Variants in CIT observed in about 807,000 individuals in gnomAD.
The protein encoded by CIT is citron Rho-interacting kinase.
Under a neutral mutation model 272.7 loss-of-function variants are expected in CIT, and 79 were observed. That is an observed-to-expected ratio of 0.29 (90% CI 0.24 to 0.35). The LOEUF is 0.35. CIT is among the 10% of genes least tolerant of loss of function. CIT has a pLI of 1.00. For synonymous variants in CIT, 948 were observed against 995.6 expected (o/e 0.95, Z 0.90); for missense variants, 1,909 against 2,618.3 (o/e 0.73, Z 5.91).
At chr12:119,734,397 C>G in intron 25 of CIT, 40 bp from the exon 26 acceptor site, 1 of 1,594,870 alleles carries the variant, frequency 6.3e-7, no homozygotes, top group Non-Finnish European at 8.6e-7. Flanking sequence ...TGTCTTTAAA[C>G]AAGGATTTCC....
At position 119,686,163 on chromosome 12, in the gene CIT, T is replaced by C. The variant is rs991595040; in HGVS notation, c.*2069A>G. ...TTTTTTTTACGAATATAAAGTTTCT[T>C]GTAAATATGTACAGTCTTTTGAGCT... On this transcript the variant is annotated 3_prime_UTR_variant, in exon 48 of 48. Coordinates refer to ENST00000392521, the MANE Select transcript of CIT (RefSeq NM_001206999.2). 3.3e-5 allele frequency: 5 copies of C among 152,442 alleles called. No individual in the cohort carries two copies. Among genetic ancestry groups the C allele is most frequent in the African/African-American group, 1.2e-4 (5 of 41,442 alleles). 9.4% of individuals were successfully genotyped at this position (152,442 alleles called of 1,614,324 possible).
chr12:119,875,017 AC>A (rs1415240389), intron 2 of CIT, among the ~76,000 whole-genome samples: 1 of 152,216 alleles, frequency 6.6e-6, no homozygotes, highest in Non-Finnish European at 1.5e-5. Flanking sequence ...AAAAGGACAA[AC>A]TTGCCCTGGT....
chr12:119,708,142 G>A, intron 40 of CIT, 37 bp downstream of exon 40: 1 of 1,468,966 alleles, frequency 6.8e-7, no homozygotes, highest in South Asian at 1.4e-5. Context: ...TCAATTTCCA[G>A]AACATTCCAC....
chr12:119,784,021 T>G lies in CIT; in HGVS notation c.1432A>C (p.Arg478=), dbSNP rs750909183. 9.9e-6 allele frequency: 16 copies of G among 1,612,686 alleles called. No homozygotes were observed. Among genetic ancestry groups the G allele is most frequent in the Non-Finnish European group, 9.3e-6 (11 of 1,179,310 alleles). The part of the protein sequence containing the change: ...MEQEMTRLHR[R]VSEVEAVLSQ... ...AGCACAGCCTCCACCTCTGACACTC[T>G]CCGATGTAACCGGGTCATTTCCTGC... Residue 478 remains arginine (R), a synonymous_variant, in exon 12 of 48, where the codon AGA becomes CGA. Transcript: ENST00000392521. The surrounding 1 kb of genome is among the most constrained non-coding windows in gnomAD (Gnocchi z 4.7).
At chr12:119,717,954 C>G (rs1565934521) in intron 32 of CIT, among the ~76,000 whole-genome samples, 1 of 150,366 alleles carries the variant, frequency 6.7e-6, no homozygotes, top group Admixed American at 6.7e-5. Flanking sequence ...AATTCTCCTG[C>G]CTCAGCCTCC....
At position 119,803,313 on chromosome 12, in the gene CIT, C is replaced by G; in HGVS notation, c.1188G>C (p.Trp396Cys). The G allele has an allele frequency of 6.2e-7, 1 of 1,608,840 alleles. No homozygotes were observed. The highest frequency in any genetic ancestry group is 8.5e-7 in the Non-Finnish European group (1 of 1,177,570). The stretch of plus-strand genomic sequence containing the variant: ...TCAGCTGGCACGGAGAGGATGAAAC[C>G]CACGAATTCTTCTCTGGTTCATCAA... Reference protein sequence around the residue: ...SNFDEPEKNSWVSSSPCQLSP... With the variant: ...SNFDEPEKNSCVSSSPCQLSP... Residue 396 changes from tryptophan (W) to cysteine (C), a missense_variant, in exon 10 of 48, where the codon TGG becomes TGC. Trp to Cys is a radical substitution (Grantham distance 215). This residue lies in a region of CIT where 529 missense variants were observed against 549.6 expected (regional missense o/e 0.96). Coordinates refer to ENST00000392521, the MANE Select transcript of CIT (RefSeq NM_001206999.2).
At chr12:119,788,345 G>A (rs1964992682) in intron 10 of CIT, among the ~76,000 whole-genome samples, 1 of 152,146 alleles carries the variant, frequency 6.6e-6, no homozygotes, top group Non-Finnish European at 1.5e-5. Flanking sequence ...CTGGCTGGGT[G>A]GGCTAGAGAA....
chr12:119,730,197 C>T lies in CIT; in HGVS notation c.3486+298G>A, dbSNP rs765337572. 2.0e-5 allele frequency among the ~76,000 whole-genome samples: 3 copies of T among 151,906 alleles called. No homozygotes were observed. In the East Asian group the frequency reaches 5.8e-4, roughly 29 times the overall value. ...CATAAAGCCTTCTGGAAATAAGATG[C>T]CAGACAACCAGAGAGTAGAACACCC... On this transcript the variant is annotated intron_variant, in intron 27 of 47. Transcript: ENST00000392521.
intron 7 of CIT, among the ~76,000 whole-genome samples, chr12:119,830,599 T>C (rs900625876): frequency 8.9e-4 from 111 of 124,578 alleles, no homozygotes; most frequent in Non-Finnish European, 7.5e-4. Context: ...CAACTAAGGG[T>C]TCTCAAACCC....
Position 119,713,491 on chromosome 12 carries a change from C to G in CIT, c.4464G>C (p.Leu1488=). ...QTKEPSSSLH[L]EGWMKVPRNN... The stretch of plus-strand genomic sequence containing the variant: ...ACCTGGGCACCTTCATCCACCCTTC[C>G]AGGTGCAAGCTGCTGCTGGGCTCCT... Residue 1488 remains leucine, a synonymous_variant, in exon 34 of 48, where the codon CTG becomes CTC. Coordinates refer to ENST00000392521, the MANE Select transcript of CIT (RefSeq NM_001206999.2). This position sits in a 1 kb window ranked among gnomAD's most constrained non-coding sequence, Gnocchi z 5.2. 2 of 1,614,196 alleles carry G rather than the reference C, an allele frequency of 1.2e-6. No individual in the cohort carries two copies. The highest frequency in any genetic ancestry group is 1.7e-6 in the Non-Finnish European group (2 of 1,180,030).
intron 40 of CIT, among the ~76,000 whole-genome samples, chr12:119,704,806 C>T (rs151309333): frequency 6.9e-4 from 105 of 152,336 alleles, no homozygotes; most frequent in Non-Finnish European, 7.9e-4. Context: ...ACACATGTGC[C>T]TTCTGCTGGA....
chr12:119,765,501 C>G (rs1305836818), intron 19 of CIT, among the ~76,000 whole-genome samples: 1 of 134,410 alleles, frequency 7.4e-6, no homozygotes, highest in Non-Finnish European at 1.5e-5. Context: ...GACAGGGTCT[C>G]TCTCTGTCAC....
intron 30 of CIT, among the ~76,000 whole-genome samples, chr12:119,719,769 G>A (rs1864326895): frequency 6.6e-6 from 1 of 152,200 alleles, no homozygotes; most frequent in African/African-American, 2.4e-5. Context: ...GAAACTGCAA[G>A]CTTCTTCAAG....
chr12:119,839,406 C>T (rs1969244608), intron 5 of CIT, among the ~76,000 whole-genome samples: 1 of 152,192 alleles, frequency 6.6e-6, no homozygotes, highest in Non-Finnish European at 1.5e-5. Context: ...ACGCTCAGCA[C>T]AACTGAAAGT....
intron 18 of CIT, among the ~76,000 whole-genome samples, chr12:119,769,614 A>G (rs1239001326): frequency 6.6e-6 from 1 of 152,208 alleles, no homozygotes; most frequent in Non-Finnish European, 1.5e-5. Context: ...TACTCATGAT[A>G]AAATTCAAAC....
chr12:119,795,413 C>G (rs1965647938), intron 10 of CIT, among the ~76,000 whole-genome samples: 1 of 152,046 alleles, frequency 6.6e-6, no homozygotes, highest in African/African-American at 2.4e-5. Flanking sequence ...TAAGTTAAAA[C>G]TTGGAAAAGT....
intron 10 of CIT, among the ~76,000 whole-genome samples, chr12:119,795,781 T>C (rs935245573): frequency 6.6e-6 from 1 of 152,210 alleles, no homozygotes; most frequent in African/African-American, 2.4e-5. Context: ...TCTTCATTTG[T>C]AAAATGGGGA....
chr12:119,742,943 T>TTG (rs1959132256), intron 23 of CIT: 1 of 151,654 alleles, frequency 6.6e-6, no homozygotes, highest in South Asian at 2.1e-4. Context: ...CAAAGGGACT[T>TTG]TGTGTGTGTG....
intron 19 of CIT, among the ~76,000 whole-genome samples, chr12:119,765,864 G>A (rs925178567): frequency 6.6e-6 from 1 of 152,142 alleles, no homozygotes; most frequent in Non-Finnish European, 1.5e-5. Context: ...AAATCGAGCT[G>A]TCACATGATC....
Sources: gnomAD v4.1 joint callset for allele counts (sites outside exome capture counted in the v4.1 genomes callset) on GRCh38, gnomAD v4.1.1 for gene constraint, gnomAD v4.1.1 regional missense constraint, Gnocchi (gnomAD v3.1) non-coding constraint, MANE v1.5 for transcripts, NCBI Gene and HGNC (gene_info 2026-07-23, HGNC 2026-07-21) for gene names.